Variants in PDE7B observed in about 807,000 individuals in gnomAD.
PDE7B encodes phosphodiesterase 7B, also known as 3',5'-cyclic-AMP phosphodiesterase 7B.
In PDE7B, 29 loss-of-function variants were observed where a neutral mutation model predicts 56.2. That is an observed-to-expected ratio of 0.52 (90% CI 0.38 to 0.70). The LOEUF (loss-of-function observed/expected upper bound fraction) is 0.70. PDE7B is among the 30% of genes least tolerant of loss of function. The pLI is 0.00. For missense variants in PDE7B, 490 were observed against 565.0 expected (o/e 0.87, Z 1.35); for synonymous variants, 197 against 196.9 (o/e 1.00, Z 0.00).
intron 3 of PDE7B, among the ~76,000 whole-genome samples, chr6:136,133,322 A>G (rs541880102): frequency 4.6e-5 from 7 of 152,030 alleles, no homozygotes; most frequent in South Asian, 4.1e-4. Context: ...TAGAGATCAA[A>G]GTTTCTATCT....
intron 1 of PDE7B, among the ~76,000 whole-genome samples, chr6:135,863,643 G>GT (rs1033447820): frequency 6.6e-6 from 1 of 150,848 alleles, no homozygotes; most frequent in Non-Finnish European, 1.5e-5. Context: ...TAGAACTGTT[G>GT]TAACTTCCTG....
rs534638897 is a variant in PDE7B at position 136,062,435 on chromosome 6, T to A, written c.83-46296T>A. ...AATTCCAAGTATAGAATACATTTTT[T>A]AAATTTATTGTTATTTCAATAGTTT... On this transcript the variant is annotated intron_variant, in intron 2 of 12. Transcript: ENST00000308191. Among the ~76,000 whole-genome samples the A allele has an allele frequency of 3.3e-5, 5 of 152,296 alleles. No homozygotes were observed. In the South Asian group the frequency reaches 8.3e-4, roughly 25 times the overall value.
intron 2 of PDE7B, among the ~76,000 whole-genome samples, chr6:135,982,414 T>G (rs1775312534): frequency 6.6e-6 from 1 of 152,150 alleles, no homozygotes; most frequent in Non-Finnish European, 1.5e-5. Context: ...CTCTTTCTGC[T>G]ACTTTCTTCT....
intron 3 of PDE7B, among the ~76,000 whole-genome samples, chr6:136,136,907 G>A (rs1035679185): frequency 2.0e-5 from 3 of 151,970 alleles, no homozygotes; most frequent in African/African-American, 4.8e-5. Context: ...TTCAAAAAGA[G>A]CATTTAACAG....
intron 2 of PDE7B, among the ~76,000 whole-genome samples, chr6:135,987,133 G>C (rs749516011): frequency 2.0e-5 from 3 of 152,172 alleles, no homozygotes; most frequent in Non-Finnish European, 4.4e-5. Flanking sequence ...ACAACAAAGT[G>C]ATCCTTAACT....
intron 2 of PDE7B, among the ~76,000 whole-genome samples, chr6:135,996,794 G>A (rs1365358036): frequency 6.6e-6 from 1 of 152,190 alleles, no homozygotes; most frequent in Non-Finnish European, 1.5e-5. Flanking sequence ...CACAGCACTT[G>A]TGTGAGTAAA....
chr6:136,132,572 T>C (rs1778136340), intron 3 of PDE7B, among the ~76,000 whole-genome samples: 1 of 152,176 alleles, frequency 6.6e-6, no homozygotes, highest in Non-Finnish European at 1.5e-5. Context: ...ATACCTACTT[T>C]TATGAAAATC....
In PDE7B at chr6:135,906,810, G is replaced by GTTTTTTTTTTTTTTTTTTTTT. The variant is rs869049424; in HGVS notation, c.22-40648_22-40628dup. Among the ~76,000 whole-genome samples, 41 of 59,540 alleles carry GTTTTTTTTTTTTTTTTTTTTT rather than the reference G, an allele frequency of 6.9e-4. 4 individuals are homozygous for GTTTTTTTTTTTTTTTTTTTTT. Among genetic ancestry groups the GTTTTTTTTTTTTTTTTTTTTT allele is most frequent in the African/African-American group, 1.5e-3 (22 of 14,244 alleles). 39.1% of individuals were successfully genotyped at this position (59,540 alleles called of 152,430 possible). On this transcript the variant is annotated intron_variant, in intron 1 of 12. Transcript: ENST00000308191. ...TTTGACTCAAATGTTAATGAGGTTT[G>GTTTTTTTTTTTTTTTTTTTTT]TTTTTTTTTTTTTTTTTTTTTTTTT...
chr6:136,157,875 G>C (rs1347649908), intron 8 of PDE7B, among the ~76,000 whole-genome samples: 1 of 152,168 alleles, frequency 6.6e-6, no homozygotes, highest in African/African-American at 2.4e-5. Flanking sequence ...TGGAATGTCC[G>C]GTGGCCTTTA....
At chr6:136,120,457 AG>A (rs900765489) in intron 3 of PDE7B, among the ~76,000 whole-genome samples, 87 of 152,330 alleles carry the variant, frequency 5.7e-4, no homozygotes, top group African/African-American at 2.1e-3. Context: ...GGAATAGACC[AG>A]AAAAATCATA....
At chr6:135,973,710 C>A (rs1775134061) in intron 2 of PDE7B, among the ~76,000 whole-genome samples, 1 of 152,122 alleles carries the variant, frequency 6.6e-6, no homozygotes, top group Non-Finnish European at 1.5e-5. Context: ...TTGTGTTTTC[C>A]TAATAATTAG....
chr6:136,019,065 A>T (rs761007703), intron 2 of PDE7B, among the ~76,000 whole-genome samples: 7 of 152,062 alleles, frequency 4.6e-5, no homozygotes, highest in Non-Finnish European at 8.8e-5. Flanking sequence ...TCATAGAGAC[A>T]ATATGCAAAT....
chr6:136,014,005 A>G (rs1416495303), intron 2 of PDE7B, among the ~76,000 whole-genome samples: 3 of 152,228 alleles, frequency 2.0e-5, no homozygotes, highest in South Asian at 2.1e-4. Context: ...CAAGTATTCT[A>G]GGACTGGCAC....
At chr6:135,932,107 G>A (rs910859702) in intron 1 of PDE7B, among the ~76,000 whole-genome samples, 4 of 151,934 alleles carry the variant, frequency 2.6e-5, no homozygotes, top group Admixed American at 1.3e-4. Context: ...GTAGAAAGTG[G>A]CTTAAAAAAT....
chr6:135,976,988 C>T (rs982847120), intron 2 of PDE7B, among the ~76,000 whole-genome samples: 1 of 152,112 alleles, frequency 6.6e-6, no homozygotes, highest in African/African-American at 2.4e-5. Context: ...AATAGAAATC[C>T]ATCCTCTGAA....
chr6:135,996,496 T>C (rs1478106334), intron 2 of PDE7B, among the ~76,000 whole-genome samples: 4 of 152,208 alleles, frequency 2.6e-5, no homozygotes, highest in Non-Finnish European at 5.9e-5. Context: ...TTTTCTATCC[T>C]TACAAAAGGC....
At chr6:135,880,260 A>T (rs1361719986) in intron 1 of PDE7B, among the ~76,000 whole-genome samples, 2 of 152,316 alleles carry the variant, frequency 1.3e-5, no homozygotes, top group Non-Finnish European at 2.9e-5. Context: ...AATCCACTAA[A>T]CAGAAAATCA....
chr6:135,873,773 A>T (rs1456188416), intron 1 of PDE7B, among the ~76,000 whole-genome samples: 1 of 152,200 alleles, frequency 6.6e-6, no homozygotes, highest in Non-Finnish European at 1.5e-5. Flanking sequence ...TATATTAAAA[A>T]GTTTAAAATT....
At chr6:136,176,959 CTT>C (rs1373916901) in intron 9 of PDE7B, among the ~76,000 whole-genome samples, 2 of 151,846 alleles carry the variant, frequency 1.3e-5, no homozygotes, top group African/African-American at 4.8e-5. Context: ...TTGTATTTCT[CTT>C]GTGAATTTTC....
Sources: allele counts gnomAD v4.1 joint callset (sites outside exome capture counted in the v4.1 genomes callset), GRCh38; gene constraint gnomAD v4.1.1; transcripts MANE v1.5; gene names NCBI Gene and HGNC (gene_info 2026-07-23, HGNC 2026-07-21).